The following KLF13 variants were observed in gnomAD, a reference collection of about 807,000 sequenced individuals.
KLF13 encodes the protein KLF transcription factor 13.
KLF13 carries 8 observed loss-of-function variants against 16.7 expected under a neutral mutation model. The ratio of observed to expected loss-of-function variants is 0.48; its 90% CI spans 0.28 to 0.87. The LOEUF (loss-of-function observed/expected upper bound fraction) is 0.87. Among genes scored for constraint, KLF13 ranks in the 40% least tolerant of loss-of-function variants. The pLI is 0.10. For synonymous variants in KLF13, 245 were observed against 208.4 expected (o/e 1.18, Z -1.51); for missense variants, 447 against 452.2 (o/e 0.99, Z 0.10).
At chr15:31,334,231 C>G (rs2038888069) in intron 1 of KLF13, among the ~76,000 whole-genome samples, 1 of 152,184 alleles carries the variant, frequency 6.6e-6, no homozygotes, top group African/African-American at 2.4e-5. Context: ...ATAGCCAGCT[C>G]AAGGGTAACT....
chr15:31,384,682 T>G lies in KLF13; in HGVS notation n.224-50688T>G, dbSNP rs115661758. Among the ~76,000 whole-genome samples the G allele has an allele frequency of 1.4e-3, 219 of 152,294 alleles. 1 individual carries two copies. The highest frequency in any genetic ancestry group is 4.9e-3 in the African/African-American group (204 of 41,552). On this transcript the variant is annotated intron_variant and non_coding_transcript_variant, in intron 1 of 1. Coordinates refer to the KLF13 transcript ENST00000558921. The stretch of plus-strand genomic sequence containing the variant: ...TCCACCAACATTCATGAGCGTACTT[T>G]TGGACATACCCCAAATGCCCTCAAC...
chr15:31,420,412 A>T (rs1179624625), intron 1 of KLF13: 1 of 1,122,394 alleles, frequency 8.9e-7, no homozygotes, highest in African/African-American at 1.5e-5. Flanking sequence ...ATGAGCCCAC[A>T]GTGAAGTTCC....
intron 1 of KLF13, among the ~76,000 whole-genome samples, chr15:31,332,266 C>T (rs560048636): frequency 2.4e-4 from 37 of 152,336 alleles, no homozygotes; most frequent in Admixed American, 2.4e-3. Flanking sequence ...AGGGAGAGAC[C>T]TATTGTGTCA....
At chr15:31,340,341 G>A (rs1486832891) in intron 1 of KLF13, among the ~76,000 whole-genome samples, 1 of 152,252 alleles carries the variant, frequency 6.6e-6, no homozygotes, top group Non-Finnish European at 1.5e-5. Flanking sequence ...TTTGGAATGA[G>A]TGCCTGGTGT....
chr15:31,406,313 C>T (rs1032347087), downstream of KLF13, among the ~76,000 whole-genome samples: 1 of 152,182 alleles, frequency 6.6e-6, no homozygotes, highest in Admixed American at 6.5e-5. Flanking sequence ...CCCATCTCTA[C>T]TAAAAATACA....
rs891773174 is a variant in KLF13, at chr15:31,376,659, C to T, written c.*4360C>T. ...ACCAGAACTTGGATGCATAGTCCAC[C>T]TTACTACTGATACACGCCTGAGCAC... is the stretch of plus-strand genomic sequence containing the variant. On this transcript the variant is annotated 3_prime_UTR_variant, in exon 2 of 2. Coordinates refer to ENST00000307145, the MANE Select transcript of KLF13 (RefSeq NM_015995.4). 1 of 152,676 alleles carries T rather than the reference C, an allele frequency of 6.5e-6. No individual in the cohort carries two copies. Among genetic ancestry groups the T allele is most frequent in the African/African-American group, 2.4e-5 (1 of 41,458 alleles). 9.5% of individuals were successfully genotyped at this position (152,676 alleles called of 1,614,324 possible). A position where few individuals can be genotyped will look rare whatever the true frequency, so the allele number is the denominator to read the frequency against.
intron 1 of KLF13, among the ~76,000 whole-genome samples, chr15:31,428,149 G>A (rs1368238336): frequency 3.9e-5 from 6 of 152,152 alleles, no homozygotes; most frequent in Non-Finnish European, 7.3e-5. Flanking sequence ...ACTTATATAG[G>A]GGTATCTAAA....
intron 1 of KLF13, among the ~76,000 whole-genome samples, chr15:31,383,524 C>T (rs982985149): frequency 3.9e-5 from 6 of 152,230 alleles, no homozygotes; most frequent in Admixed American, 6.5e-5. Flanking sequence ...GACAGGGTCG[C>T]ACTCACACTT....
At chr15:31,365,410 G>A (rs1431604985) in intron 1 of KLF13, among the ~76,000 whole-genome samples, 5 of 152,144 alleles carry the variant, frequency 3.3e-5, no homozygotes, top group African/African-American at 1.2e-4. Context: ...TTCCATGAAG[G>A]GGAGCTCAGC....
At chr15:31,342,061 A>G (rs1396808961) in intron 1 of KLF13, among the ~76,000 whole-genome samples, 1 of 152,142 alleles carries the variant, frequency 6.6e-6, no homozygotes, top group East Asian at 1.9e-4. Context: ...GTACCTGGCT[A>G]GACTCTTTAA....
chr15:31,356,767 T>G lies in KLF13; in HGVS notation c.578-15243T>G, dbSNP rs113110976. On this transcript the variant is annotated intron_variant, in intron 1 of 1. Coordinates refer to ENST00000307145, the MANE Select transcript of KLF13 (RefSeq NM_015995.4). ...TTGCTGTGGAGAAGACTGAAGCTTT[T>G]CTGATTCTGGCTGTGTGCACCTCCC... Among the ~76,000 whole-genome samples the G allele has an allele frequency of 2.1e-3, 315 of 152,360 alleles. 1 individual carries two copies. Among genetic ancestry groups the G allele is most frequent in the African/African-American group, 6.8e-3 (281 of 41,584 alleles).
At chr15:31,354,009 G>T (rs1169131967) in intron 1 of KLF13, among the ~76,000 whole-genome samples, 2 of 152,254 alleles carry the variant, frequency 1.3e-5, no homozygotes, top group Non-Finnish European at 2.9e-5. Flanking sequence ...CCAGGTTGTA[G>T]TGTGGGGTCA....
chr15:31,397,300 G>A (rs1252978277), intron 2 of KLF13, among the ~76,000 whole-genome samples: 1 of 152,144 alleles, frequency 6.6e-6, no homozygotes, highest in African/African-American at 2.4e-5. Context: ...AGGCTTCCCG[G>A]CGCTCCGCTC....
At chr15:31,359,942 G>T (rs1274384889) in intron 1 of KLF13, among the ~76,000 whole-genome samples, 1 of 152,190 alleles carries the variant, frequency 6.6e-6, no homozygotes, top group African/African-American at 2.4e-5. Flanking sequence ...GGTCTTGGGG[G>T]AGGGAGGCAG....
intron 1 of KLF13, among the ~76,000 whole-genome samples, chr15:31,338,086 T>C (rs557840901): frequency 2.0e-5 from 3 of 152,322 alleles, no homozygotes; most frequent in African/African-American, 7.2e-5. Flanking sequence ...GCTTGTGATT[T>C]GAAGTTTCCC....
At chr15:31,336,894 A>G (rs898067835) in intron 1 of KLF13, among the ~76,000 whole-genome samples, 3 of 152,156 alleles carry the variant, frequency 2.0e-5, no homozygotes, top group African/African-American at 7.2e-5. Flanking sequence ...TCATAGCAAC[A>G]ACAAACCCCA....
downstream of KLF13, among the ~76,000 whole-genome samples, chr15:31,404,897 C>T (rs577307733): frequency 3.3e-5 from 5 of 152,178 alleles, no homozygotes; most frequent in Non-Finnish European, 7.4e-5. Context: ...AGCCTAGGGT[C>T]TTCACTCAGG....
chr15:31,331,357 C>T (rs925655266), intron 1 of KLF13, among the ~76,000 whole-genome samples: 5 of 152,220 alleles, frequency 3.3e-5, no homozygotes, highest in Non-Finnish European at 5.9e-5. Context: ...CAGCCATTTC[C>T]TGTGATAATT....
chr15:31,335,520 C>T lies in KLF13; in HGVS notation c.577+7731C>T, dbSNP rs1440476125. ...GCGGGGGGAGGGCACAGCATGGCAC[C>T]GAGCACCAGAAACACAGCCTTGACC... On this transcript the variant is annotated intron_variant, in intron 1 of 1. Transcript: ENST00000307145. 4.6e-5 allele frequency among the ~76,000 whole-genome samples: 7 copies of T among 150,990 alleles called. No homozygotes were observed. The South Asian group carries it at 6.3e-4, about 14-fold the overall frequency.
Sources: allele counts gnomAD v4.1 joint callset (sites outside exome capture counted in the v4.1 genomes callset), GRCh38; gene constraint gnomAD v4.1.1; transcripts MANE v1.5; gene names NCBI Gene and HGNC (gene_info 2026-07-23, HGNC 2026-07-21).